PCDHGB3: variants seen among roughly 807,000 people sequenced by gnomAD.
PCDHGB3 encodes the protein protocadherin gamma subfamily B, 3, also known as protocadherin gamma-B3.
A neutral mutation model predicts 59.2 loss-of-function variants in PCDHGB3; 40 were observed. That is an observed-to-expected ratio of 0.68 (90% CI 0.52 to 0.88). The LOEUF is 0.88. PCDHGB3 is among the 40% of genes least tolerant of loss of function. PCDHGB3 has a pLI of 0.00. For synonymous variants in PCDHGB3, 581 were observed against 503.6 expected (o/e 1.15, Z -2.06); for missense variants, 1,309 against 1,187.9 (o/e 1.10, Z -1.50).
At chr5:141,451,154 TTTTTGGTAGTATA>T (rs2098709149) in intron 1 of PCDHGB3, among the ~76,000 whole-genome samples, 1 of 152,152 alleles carries the variant, frequency 6.6e-6, no homozygotes, top group Non-Finnish European at 1.5e-5. Flanking sequence ...ACTAGACATT[TTTTTGGTAGTATA>T]TTATTTAGCC....
intron 1 of PCDHGB3, chr5:141,374,258 T>C: frequency 2.5e-6 from 4 of 1,613,924 alleles, no homozygotes; most frequent in East Asian, 2.2e-5. Flanking sequence ...GCCCCAGGAG[T>C]TGGCGGAGCA....
chr5:141,508,647 C>T (rs1301017914), intron 3 of PCDHGB3, among the ~76,000 whole-genome samples: 4 of 152,090 alleles, frequency 2.6e-5, no homozygotes, highest in African/African-American at 9.7e-5. Flanking sequence ...CTCCGTCAGG[C>T]CCTTCCTGTC....
Position 141,370,549 on chromosome 5 carries a change from A to C in PCDHGB3, c.155A>C (p.Lys52Thr). The C allele has an allele frequency of 6.2e-7, 1 of 1,613,956 alleles. No individual in the cohort carries two copies. Among genetic ancestry groups the C allele is most frequent in the Non-Finnish European group, 8.5e-7 (1 of 1,179,868 alleles). Residue 52 changes from lysine to threonine, a missense_variant, in exon 1 of 4, where the codon AAG becomes ACG. Lys to Thr is a moderately conservative substitution (Grantham distance 78). Transcript: ENST00000576222. ...GGCTCGCTGGTAGGGAACCTCGCCA[A>C]GGACCTGGGGTTTGGCGTGGGGGAT... ...DRGSLVGNLA[K>T]DLGFGVGDLP...
rs2099883748 is a variant in PCDHGB3 at position 141,511,359 on chromosome 5, T to A, written c.*186T>A. On this transcript the variant is annotated 3_prime_UTR_variant, in exon 4 of 4. Transcript: ENST00000576222. ...CACCTACCCCTTCCCCCCCAGGGGGTTGAATATGCAAAAGCAGTTCCGCTG... is the reference window on the plus strand; with the variant it reads ...CACCTACCCCTTCCCCCCCAGGGGGATGAATATGCAAAAGCAGTTCCGCTG... 2 of 1,339,338 alleles carry A rather than the reference T, an allele frequency of 1.5e-6. No individual in the cohort carries two copies. Among genetic ancestry groups the A allele is most frequent in the Non-Finnish European group, 2.0e-6 (2 of 1,000,492 alleles). The allele number at this position is 1,339,338 out of a possible 1,614,324, so 83.0% of individuals were successfully genotyped here. A position where few individuals can be genotyped will look rare whatever the true frequency, so the allele number is the denominator to read the frequency against.
At chr5:141,395,138 C>G (rs147992300) in intron 1 of PCDHGB3, 3 of 1,614,204 alleles carry the variant, frequency 1.9e-6, no homozygotes, top group Non-Finnish European at 2.5e-6. Context: ...AGCCCAACTA[C>G]GCAGACATGC....
At chr5:141,410,022 A>C (rs557770094) in intron 1 of PCDHGB3, 2 of 1,613,094 alleles carry the variant, frequency 1.2e-6, no homozygotes, top group South Asian at 2.2e-5. Context: ...CTGTCCTACC[A>C]CGTGCTGCAG....
At chr5:141,465,812 T>A (rs533291720) in intron 1 of PCDHGB3, among the ~76,000 whole-genome samples, 1 of 152,082 alleles carries the variant, frequency 6.6e-6, no homozygotes, top group South Asian at 2.1e-4. Flanking sequence ...TTCAGGATCT[T>A]GATCACATTT....
intron 1 of PCDHGB3, chr5:141,375,772 G>C (rs769630296): frequency 2.5e-6 from 4 of 1,614,228 alleles, no homozygotes; most frequent in Admixed American, 3.3e-5. Flanking sequence ...CCGAGATCCT[G>C]TACCCCGCCC....
chr5:141,494,790 C>A lies in PCDHGB3; in HGVS notation c.2416-17C>A, dbSNP rs909145. 17 of 1,614,014 alleles carry A rather than the reference C, an allele frequency of 1.1e-5. 1 individual carries two copies. The South Asian group carries it at 1.9e-4, about 18-fold the overall frequency. ...TCTCACGGGTACTCAGCCCCTTTCC[C>A]TCTGTTTTCTCCACAGCAAGCCCCG... On this transcript the variant is annotated splice_polypyrimidine_tract_variant and intron_variant, in intron 1 of 3. Transcript: ENST00000576222.
intron 1 of PCDHGB3, chr5:141,384,502 C>A: frequency 6.2e-7 from 1 of 1,614,194 alleles, no homozygotes; most frequent in Non-Finnish European, 8.5e-7. Context: ...AGTGACTGCA[C>A]ATGACAGCGG....
intron 1 of PCDHGB3, chr5:141,417,894 G>A (rs751319373): frequency 1.3e-5 from 21 of 1,573,688 alleles, no homozygotes; most frequent in African/African-American, 2.7e-5. Context: ...CGCCGGGCCG[G>A]CCCGCGGCAG....
intron 1 of PCDHGB3, chr5:141,383,378 C>A (rs753458256): frequency 8.1e-6 from 13 of 1,613,884 alleles, no homozygotes; most frequent in Non-Finnish European, 1.1e-5. Flanking sequence ...GCTGGGGATC[C>A]AGATGTGGGC....
intron 1 of PCDHGB3, chr5:141,420,464 C>A: frequency 1.2e-6 from 1 of 801,488 alleles, no homozygotes; most frequent in South Asian, 4.0e-5. Flanking sequence ...TATTCAAAGA[C>A]ATTTTAAAGC....
intron 1 of PCDHGB3, chr5:141,397,972 G>T: frequency 2.6e-6 from 3 of 1,155,564 alleles, no homozygotes; most frequent in Non-Finnish European, 3.6e-6. Flanking sequence ...ACTCCCCAGC[G>T]CCGGCCTTTA....
At chr5:141,397,395 C>G (rs1382237446) in intron 1 of PCDHGB3, among the ~76,000 whole-genome samples, 1 of 152,048 alleles carries the variant, frequency 6.6e-6, no homozygotes, top group Non-Finnish European at 1.5e-5. Flanking sequence ...ATTGCCACAA[C>G]TTTACAAAAT....
At chr5:141,452,076 G>A (rs978382005) in intron 1 of PCDHGB3, among the ~76,000 whole-genome samples, 3 of 152,092 alleles carry the variant, frequency 2.0e-5, no homozygotes, top group Non-Finnish European at 2.9e-5. Flanking sequence ...TTATTAGTTG[G>A]CATTATACAG....
At chr5:141,383,537 C>T in intron 1 of PCDHGB3, 1 of 1,612,570 alleles carries the variant, frequency 6.2e-7, no homozygotes, top group African/African-American at 1.3e-5. Flanking sequence ...CTGGTCCTCA[C>T]AGCCTCTGAT....
chr5:141,392,700 T>C, intron 1 of PCDHGB3: 1 of 1,257,648 alleles, frequency 8.0e-7, no homozygotes, highest in Non-Finnish European at 1.1e-6. Flanking sequence ...GACCCCTGTT[T>C]GGAGGCACTC....
chr5:141,375,128 G>C (rs372521976), intron 1 of PCDHGB3: 1 of 1,613,780 alleles, frequency 6.2e-7, no homozygotes, highest in Non-Finnish European at 8.5e-7. Flanking sequence ...AGAAGTGGTT[G>C]TTACATCTGG....
Sources: allele counts gnomAD v4.1 joint callset (sites outside exome capture counted in the v4.1 genomes callset), GRCh38; gene constraint gnomAD v4.1.1; transcripts MANE v1.5; gene names NCBI Gene and HGNC (gene_info 2026-07-23, HGNC 2026-07-21).